XNDC1N: variants seen among roughly 807,000 people sequenced by gnomAD.
XNDC1N encodes XRCC1 N-terminal domain containing 1, N-terminal like.
the XNDC1N span, among the ~76,000 whole-genome samples, chr11:71,877,602 C>T: frequency 1.1e-4 from 16 of 152,176 alleles, no homozygotes; most frequent in African/African-American, 2.2e-4. Flanking sequence ...CGCACCACTG[C>T]GCTCCAGCCT....
chr11:71,888,059 C>G, the XNDC1N span, among the ~76,000 whole-genome samples: 2,341 of 152,168 alleles, frequency 0.015, 1 homozygote, highest in African/African-American at 0.054. Flanking sequence ...CAGCAGAGAC[C>G]TAGGCTGCGT....
At chr11:71,904,442 A>G in the XNDC1N span, among the ~76,000 whole-genome samples, 1 of 152,176 alleles carries the variant, frequency 6.6e-6, no homozygotes, top group Non-Finnish European at 1.5e-5. Context: ...CTGTGATATC[A>G]GGAGTTGCAT....
the XNDC1N span, among the ~76,000 whole-genome samples, chr11:71,920,699 A>G: frequency 8.5e-5 from 13 of 152,206 alleles, no homozygotes; most frequent in Non-Finnish European, 1.6e-4. Context: ...TGATGCTTAG[A>G]TATAAAGTGA....
chr11:71,865,967 A>C, the XNDC1N span: 3 of 313,914 alleles, frequency 9.6e-6, no homozygotes, highest in African/African-American at 6.8e-5. Context: ...TAAAGAAATT[A>C]TCAGTTAAAG....
At chr11:71,886,922 G>C in the XNDC1N span, among the ~76,000 whole-genome samples, 4 of 152,314 alleles carry the variant, frequency 2.6e-5, no homozygotes, top group South Asian at 8.3e-4. Flanking sequence ...CAGCTTGGCT[G>C]TCAGAGTTTG....
the XNDC1N span, among the ~76,000 whole-genome samples, chr11:71,885,099 C>A: frequency 6.2e-4 from 95 of 152,248 alleles, no homozygotes; most frequent in African/African-American, 2.2e-3. Flanking sequence ...CCGGTGTACA[C>A]CCTGGGTATA....
chr11:71,868,005 C>A, the XNDC1N span, among the ~76,000 whole-genome samples: 1 of 152,316 alleles, frequency 6.6e-6, no homozygotes, highest in African/African-American at 2.4e-5. Context: ...ATAGCTAAGT[C>A]TTCTTGTTGA....
chr11:71,871,630 C>T, the XNDC1N span, among the ~76,000 whole-genome samples: 6 of 151,840 alleles, frequency 4.0e-5, no homozygotes, highest in East Asian at 1.2e-3. Context: ...ACTTTGTACC[C>T]AATAAATAAG....
the XNDC1N span, among the ~76,000 whole-genome samples, chr11:71,907,478 T>G: frequency 4.4e-3 from 42 of 9,568 alleles, no homozygotes; most frequent in African/African-American, 5.0e-3. Flanking sequence ...TTGCCCCCCC[T>G]GGCTCTTAGG....
At chr11:71,928,543 C>G in the XNDC1N span, 1 of 702,542 alleles carries the variant, frequency 1.4e-6, no homozygotes, top group Non-Finnish European at 2.6e-6. Flanking sequence ...GAAAATGAGT[C>G]CTACCGAGGC....
chr11:71,870,361 T>A, the XNDC1N span, among the ~76,000 whole-genome samples: 2 of 152,188 alleles, frequency 1.3e-5, no homozygotes, highest in Non-Finnish European at 1.5e-5. Flanking sequence ...AGCTCATTAC[T>A]CCGGGGCTGT....
At chr11:71,914,209 GA>G in the XNDC1N span, 1 of 448,004 alleles carries the variant, frequency 2.2e-6, no homozygotes, top group Non-Finnish European at 4.5e-6. Flanking sequence ...ATGGATCTAG[GA>G]AAGTAAATTA....
the XNDC1N span, among the ~76,000 whole-genome samples, chr11:71,891,355 G>A: frequency 6.6e-6 from 1 of 151,618 alleles, no homozygotes. Flanking sequence ...TTTCACAGGG[G>A]TGTGTTCACC....
chr11:71,892,840 C>A, the XNDC1N span, among the ~76,000 whole-genome samples: 2 of 152,102 alleles, frequency 1.3e-5, no homozygotes, highest in Non-Finnish European at 2.9e-5. Context: ...AGATTCAATT[C>A]ATTTGGAAAC....
chr11:71,919,769 C>A, the XNDC1N span, among the ~76,000 whole-genome samples: 1 of 138,936 alleles, frequency 7.2e-6, no homozygotes, highest in Non-Finnish European at 1.6e-5. Context: ...AGGCGCCCAC[C>A]ACCATGCCCG....
chr11:71,916,549 A>C, the XNDC1N span: 41 of 287,464 alleles, frequency 1.4e-4, no homozygotes, highest in Non-Finnish European at 1.5e-4. Flanking sequence ...TCAATATCTC[A>C]TTTTAAGAAG....
At chr11:71,919,115 A>T in the XNDC1N span, 1 of 667,756 alleles carries the variant, frequency 1.5e-6, no homozygotes, top group Non-Finnish European at 2.7e-6. Flanking sequence ...AAAACCCCAA[A>T]CCTTCCCAGT....
At chr11:71,916,336 G>C in the XNDC1N span, 1 of 670,366 alleles carries the variant, frequency 1.5e-6, no homozygotes, top group East Asian at 2.7e-5. Flanking sequence ...TCAATACTAA[G>C]GAAAAGAGCT....
the XNDC1N span, among the ~76,000 whole-genome samples, chr11:71,889,690 T>A: frequency 2.0e-5 from 3 of 152,288 alleles, 1 homozygote; most frequent in South Asian, 6.2e-4. Context: ...GAGGCAGCCA[T>A]GTGTTACCTG....
Sources: allele counts gnomAD v4.1 joint callset (sites outside exome capture counted in the v4.1 genomes callset), GRCh38; gene constraint gnomAD v4.1.1; transcripts MANE v1.5; gene names NCBI Gene and HGNC (gene_info 2026-07-23, HGNC 2026-07-21).